The following PPP6R2 variants were observed in gnomAD, a reference collection of about 807,000 sequenced individuals.
PPP6R2 encodes the protein protein phosphatase 6 regulatory subunit 2, also known as serine/threonine-protein phosphatase 6 regulatory subunit 2.
A neutral mutation model predicts 100.2 loss-of-function variants in PPP6R2; 62 were observed. The observed-to-expected ratio is 0.62, with a 90% CI of 0.50 to 0.76. The LOEUF is 0.76. PPP6R2 is among the 30% of genes least tolerant of loss of function. The pLI is 0.00. For synonymous variants in PPP6R2, 525 were observed against 514.7 expected, an observed-to-expected ratio of 1.02 and a Z score of -0.27; for missense variants, 1,142 against 1,276.3, an observed-to-expected ratio of 0.89 and a Z score of 1.60.
intron 10 of PPP6R2, among the ~76,000 whole-genome samples, chr22:50,424,814 G>A (rs769622255): frequency 5.3e-5 from 8 of 151,146 alleles, no homozygotes; most frequent in Non-Finnish European, 8.9e-5. Context: ...ATTTTTTTTT[G>A]TATTTTTAGT....
intron 19 of PPP6R2, 94 bp downstream of exon 19, chr22:50,438,856 G>T: frequency 7.9e-7 from 1 of 1,272,928 alleles, no homozygotes; most frequent in Non-Finnish European, 1.1e-6. Context: ...TTGGAGCTGA[G>T]GCATTTGGGG....
intron 3 of PPP6R2, among the ~76,000 whole-genome samples, chr22:50,394,455 C>T (rs1006742850): frequency 3.3e-5 from 5 of 151,034 alleles, no homozygotes; most frequent in African/African-American, 9.7e-5. Flanking sequence ...TTAAATTAGC[C>T]AGATGTGGTG....
At chr22:50,424,871 A>G (rs145946056) in intron 10 of PPP6R2, among the ~76,000 whole-genome samples, 1,769 of 151,910 alleles carry the variant, frequency 0.012, 16 homozygotes, top group South Asian at 0.023. Context: ...CAAACTCCTG[A>G]CCTCGTGATC....
chr22:50,394,942 A>G (rs2056462821), intron 3 of PPP6R2, among the ~76,000 whole-genome samples: 1 of 143,310 alleles, frequency 7.0e-6, no homozygotes, highest in Non-Finnish European at 1.5e-5. Context: ...AAGAGTTTTG[A>G]CTGTCTTGTG....
rs2063871801 is a variant in PPP6R2, at chr22:50,434,860, T to G, written c.1401-106T>G. On this transcript the variant is annotated intron_variant, in intron 12 of 23. Coordinates refer to ENST00000612753, the MANE Select transcript of PPP6R2 (RefSeq NM_001242898.2). ...GGACACTGGGCAGGGGCCGGGCACT[T>G]GCTCTCCGAAGTGAACCTGGAGGCC... 6.0e-6 allele frequency: 6 copies of G among 997,800 alleles called. 1 individual carries two copies. In the South Asian group the frequency reaches 9.4e-5, roughly 16 times the overall value. The allele number at this position is 997,800 out of a possible 1,614,324, so 61.8% of individuals were successfully genotyped here. A position where few individuals can be genotyped will look rare whatever the true frequency, so the allele number is the denominator to read the frequency against.
chr22:50,338,285 T>TTGTGGTGTGTAGTGTGTGGTGTG, the PPP6R2 span, among the ~76,000 whole-genome samples: 3 of 108,706 alleles, frequency 2.8e-5, no homozygotes, highest in African/African-American at 1.2e-4. Flanking sequence ...TGTGGTGTGT[T>TTGTGGTGTGTAGTGTGTGGTGTG]TGTGGTGTGT....
upstream of PPP6R2, among the ~76,000 whole-genome samples, chr22:50,338,884 T>C (rs1236207004): frequency 8.6e-6 from 1 of 116,622 alleles, no homozygotes; most frequent in Non-Finnish European, 1.8e-5. Flanking sequence ...AGTGTGTGTG[T>C]TATGTGGGGT....
At chr22:50,425,987 T>A (rs555209312) in intron 10 of PPP6R2, among the ~76,000 whole-genome samples, 2 of 152,200 alleles carry the variant, frequency 1.3e-5, no homozygotes, top group Admixed American at 1.3e-4. Flanking sequence ...TAAAAAATTT[T>A]TTTTAGATGT....
At chr22:50,397,282 A>T (rs990375073) in intron 3 of PPP6R2, among the ~76,000 whole-genome samples, 8 of 152,184 alleles carry the variant, frequency 5.3e-5, no homozygotes, top group African/African-American at 1.9e-4. Flanking sequence ...CTAAGTAAGC[A>T]GAGATGCCCT....
intron 6 of PPP6R2, among the ~76,000 whole-genome samples, chr22:50,418,588 G>C (rs899658245): frequency 6.6e-6 from 1 of 151,850 alleles, no homozygotes; most frequent in Non-Finnish European, 1.5e-5. Flanking sequence ...GGGTTTCACC[G>C]TGTTAGCCAG....
intron 3 of PPP6R2, among the ~76,000 whole-genome samples, chr22:50,402,353 T>A (rs2058194188): frequency 7.0e-6 from 1 of 141,846 alleles, no homozygotes; most frequent in Non-Finnish European, 1.5e-5. Context: ...TTTTACCAAG[T>A]TCCCTATTTC....
At chr22:50,403,762 G>A (rs961244820) in intron 3 of PPP6R2, among the ~76,000 whole-genome samples, 29 of 152,182 alleles carry the variant, frequency 1.9e-4, no homozygotes, top group African/African-American at 5.8e-4. Context: ...CTTCACAGGC[G>A]CTGTTCCTCA....
intron 14 of PPP6R2, 136 bp downstream of exon 14, chr22:50,436,588 G>A (rs2148277765): frequency 1.2e-6 from 1 of 835,516 alleles, no homozygotes; most frequent in Non-Finnish European, 1.9e-6. Flanking sequence ...TGACTATGCG[G>A]TGCCCCTGCA....
chr22:50,343,620 G>C (rs1411458596), intron 1 of PPP6R2, 70 bp downstream of exon 1: 1 of 104,542 alleles, frequency 9.6e-6, no homozygotes, highest in Non-Finnish European at 1.9e-5. Flanking sequence ...ACTTCTCCCC[G>C]AGTCAGTCAG....
intron 1 of PPP6R2, among the ~76,000 whole-genome samples, chr22:50,353,085 G>T (rs1286877642): frequency 6.6e-6 from 1 of 152,118 alleles, no homozygotes; most frequent in African/African-American, 2.4e-5. Flanking sequence ...AGCCTTCTCC[G>T]TGTCAGCAAT....
chr22:50,382,380 C>T (rs1377161175), intron 2 of PPP6R2, among the ~76,000 whole-genome samples: 6 of 151,954 alleles, frequency 3.9e-5, no homozygotes, highest in African/African-American at 1.4e-4. Context: ...GGGCGGATCA[C>T]AAGGTCAGGA....
intron 1 of PPP6R2, among the ~76,000 whole-genome samples, chr22:50,353,412 C>A (rs560584436): frequency 8.5e-4 from 130 of 152,224 alleles, no homozygotes; most frequent in African/African-American, 2.6e-3. Flanking sequence ...TCAGAACTTA[C>A]GCAGCGTTTA....
chr22:50,383,877 A>G (rs113642302), intron 2 of PPP6R2, among the ~76,000 whole-genome samples: 2 of 151,936 alleles, frequency 1.3e-5, no homozygotes, highest in South Asian at 4.2e-4. Context: ...TTTCTACTAA[A>G]ATACAAAAAT....
chr22:50,422,294 A>G lies in PPP6R2; in HGVS notation c.886A>G (p.Arg296Gly). The change falls in exon 9 of 24, where the codon AGG becomes GGG. Residue 296 changes from arginine to glycine, a missense_variant. Physicochemically the swap from Arg to Gly is moderately radical, Grantham distance 125 (BLOSUM62 -2). Transcript: ENST00000612753. ...LVDSFSQGLERSYAVSSSVLH... is the reference protein window; with the variant it reads ...LVDSFSQGLEGSYAVSSSVLH... ...GGACTCCTTTTCTCAGGGACTGGAA[A>G]GGTCATACGCTGTCAGCAGCAGCGT... 1 of 1,614,054 alleles carries G rather than the reference A, an allele frequency of 6.2e-7. No homozygotes were observed. Among genetic ancestry groups the G allele is most frequent in the African/African-American group, 1.3e-5 (1 of 75,044 alleles).
Sources: allele counts gnomAD v4.1 joint callset (sites outside exome capture counted in the v4.1 genomes callset), GRCh38; gene constraint gnomAD v4.1.1; transcripts MANE v1.5; gene names NCBI Gene and HGNC (gene_info 2026-07-23, HGNC 2026-07-21).